ACYP2: variants seen among roughly 807,000 people sequenced by gnomAD.
The protein encoded by ACYP2 is acylphosphatase 2, also known as acylphosphatase-2.
Under a neutral mutation model 11.2 loss-of-function variants are expected in ACYP2, and 12 were observed. The observed-to-expected ratio is 1.08, with a 90% confidence interval of 0.69 to 1.74. ACYP2 has a LOEUF of 1.74. Among genes scored for constraint, ACYP2 ranks in the 40% most tolerant of loss-of-function variants. The pLI is 0.00. For missense variants in ACYP2, 134 were observed against 101.9 expected (o/e 1.31, Z -1.35); for synonymous variants, 43 against 32.2 (o/e 1.33, Z -1.13).
At chr2:54,107,140 C>T (rs1406035812) in intron 4 of ACYP2, among the ~76,000 whole-genome samples, 1 of 152,132 alleles carries the variant, frequency 6.6e-6, no homozygotes, top group Non-Finnish European at 1.5e-5. Flanking sequence ...TGGTAGGTGG[C>T]AGCAACAGAC....
chr2:54,279,355 A>G (rs1688746186), intron 6 of ACYP2, among the ~76,000 whole-genome samples: 1 of 152,218 alleles, frequency 6.6e-6, no homozygotes, highest in South Asian at 2.1e-4. Flanking sequence ...CAACAAGGCT[A>G]TATGGACCAC....
chr2:54,089,036 C>T (rs1469562926), intron 4 of ACYP2, among the ~76,000 whole-genome samples: 1 of 152,204 alleles, frequency 6.6e-6, no homozygotes, highest in Non-Finnish European at 1.5e-5. Flanking sequence ...AGTGCATTAA[C>T]AGGACTTCTA....
At chr2:54,192,191 C>T (rs1254169347) in intron 6 of ACYP2, among the ~76,000 whole-genome samples, 5 of 152,086 alleles carry the variant, frequency 3.3e-5, no homozygotes, top group African/African-American at 7.2e-5. Flanking sequence ...TATCAGTGTA[C>T]GGAAGCCAGC....
intron 6 of ACYP2, among the ~76,000 whole-genome samples, chr2:54,294,952 C>G (rs1002599868): frequency 5.9e-5 from 9 of 151,406 alleles, no homozygotes; most frequent in African/African-American, 1.9e-4. Flanking sequence ...TGAGTTAATA[C>G]AATAAATACA....
chr2:53,974,952 G>A (rs969856888), intron 2 of ACYP2, among the ~76,000 whole-genome samples: 4 of 152,156 alleles, frequency 2.6e-5, no homozygotes, highest in Admixed American at 1.3e-4. Flanking sequence ...TGAGCTATAA[G>A]GGAAAGATGA....
At position 54,048,345 on chromosome 2, in the gene ACYP2, G is replaced by A. The variant is rs564941251; in HGVS notation, c.63-2613G>A. Among the ~76,000 whole-genome samples, 489 of 152,214 alleles carry A rather than the reference G, an allele frequency of 3.2e-3. 2 individuals carry two copies. The highest frequency in any genetic ancestry group is 0.011 in the African/African-American group (466 of 41,530). On this transcript the variant is annotated intron_variant, in intron 2 of 6. Transcript: ENST00000607452. ...GGAAGCTGAGGTGGAAGAATTGCTT[G>A]AACAAGGGAGGTCAAGGGTGCAGTG... is the stretch of plus-strand genomic sequence containing the variant.
At chr2:54,220,951 G>C (rs1685774017) in intron 6 of ACYP2, among the ~76,000 whole-genome samples, 1 of 152,144 alleles carries the variant, frequency 6.6e-6, no homozygotes, top group Admixed American at 6.5e-5. Context: ...TTTGATTACT[G>C]TTCAGCCCTA....
At chr2:54,230,893 C>T (rs566953130) in intron 6 of ACYP2, among the ~76,000 whole-genome samples, 2 of 147,298 alleles carry the variant, frequency 1.4e-5, no homozygotes, top group South Asian at 2.2e-4. Context: ...TGCAATGGCA[C>T]AATCTCGGCT....
intron 2 of ACYP2, among the ~76,000 whole-genome samples, chr2:54,020,476 T>G (rs78243366): frequency 1.3e-3 from 199 of 152,336 alleles, no homozygotes; most frequent in Admixed American, 3.8e-3. Context: ...CAGTAATTGC[T>G]GTCACATTGG....
chr2:54,301,378 C>A (rs1487059755), intron 6 of ACYP2, among the ~76,000 whole-genome samples: 2 of 152,072 alleles, frequency 1.3e-5, no homozygotes, highest in East Asian at 1.9e-4. Context: ...CAGAGTTAAC[C>A]CCCCAATTCC....
chr2:54,235,380 G>C (rs938144630), intron 6 of ACYP2, among the ~76,000 whole-genome samples: 3 of 151,750 alleles, frequency 2.0e-5, no homozygotes, highest in African/African-American at 4.8e-5. Context: ...ATGGAGTCTC[G>C]CTCTGTCACC....
intron 6 of ACYP2, among the ~76,000 whole-genome samples, chr2:54,189,595 T>G (rs1021008251): frequency 6.6e-6 from 1 of 152,180 alleles, no homozygotes; most frequent in Non-Finnish European, 1.5e-5. Context: ...TGTGTTTTTT[T>G]TCCATCCTTC....
At chr2:54,086,705 G>T (rs575762646) in intron 4 of ACYP2, among the ~76,000 whole-genome samples, 3 of 152,224 alleles carry the variant, frequency 2.0e-5, no homozygotes, top group Non-Finnish European at 4.4e-5. Flanking sequence ...GCGCTAGTGC[G>T]TGTTTGCTAG....
intron 2 of ACYP2, among the ~76,000 whole-genome samples, chr2:53,991,414 T>C (rs1316963950): frequency 6.6e-6 from 1 of 151,918 alleles, no homozygotes; most frequent in Non-Finnish European, 1.5e-5. Flanking sequence ...TTTTTTCTTT[T>C]TTTTTTTTTG....
chr2:54,119,387 A>T (rs1405426596), intron 4 of ACYP2, among the ~76,000 whole-genome samples: 1 of 152,212 alleles, frequency 6.6e-6, no homozygotes, highest in Non-Finnish European at 1.5e-5. Flanking sequence ...AAGAAACAAT[A>T]AAATAAATAA....
rs1278566439 is a variant in ACYP2, at chr2:54,304,864, A to G, written c.*62A>G. On this transcript the variant is annotated 3_prime_UTR_variant, in exon 7 of 7. Transcript: ENST00000607452. ...ACTGTATGTTCTTAAGACTATGTAT[A>G]CTAGAATAATAGTAGCAGAGTAGGG... The G allele has an allele frequency of 9.7e-6, 9 of 928,790 alleles. No homozygotes were observed. The highest frequency in any genetic ancestry group is 2.6e-5 in the East Asian group (1 of 38,182). The allele number at this position is 928,790 out of a possible 1,614,324, so 57.5% of individuals were successfully genotyped here. A position where few individuals can be genotyped will look rare whatever the true frequency, so the allele number is the denominator to read the frequency against.
chr2:54,141,636 T>C (rs1681605397), intron 6 of ACYP2, among the ~76,000 whole-genome samples: 1 of 152,218 alleles, frequency 6.6e-6, no homozygotes, highest in Admixed American at 6.5e-5. Flanking sequence ...TACATCAGTA[T>C]ACCATATTGA....
intron 4 of ACYP2, chr2:54,065,553 T>G: frequency 2.5e-6 from 1 of 398,568 alleles, no homozygotes; most frequent in Non-Finnish European, 4.4e-6. Flanking sequence ...TGAAATAGTA[T>G]TCAGAGCTGA....
At chr2:54,244,834 G>T (rs1454509846) in intron 6 of ACYP2, among the ~76,000 whole-genome samples, 2 of 152,150 alleles carry the variant, frequency 1.3e-5, no homozygotes, top group East Asian at 3.8e-4. Flanking sequence ...TTAGTGATCA[G>T]ATCAGGATAA....
Sources: allele counts gnomAD v4.1 joint callset (sites outside exome capture counted in the v4.1 genomes callset), GRCh38; gene constraint gnomAD v4.1.1; transcripts MANE v1.5; gene names NCBI Gene and HGNC (gene_info 2026-07-23, HGNC 2026-07-21).